The following PTK7 variants were observed in gnomAD, a reference collection of about 807,000 sequenced individuals.
PTK7 encodes the protein protein tyrosine kinase 7 (inactive).
Under a neutral mutation model 116.6 loss-of-function variants are expected in PTK7, and 39 were observed. The observed-to-expected ratio is 0.33, with a 90% CI of 0.26 to 0.44. The LOEUF (loss-of-function observed/expected upper bound fraction) is 0.44, where lower values mean the gene tolerates loss of function less well. PTK7 is among the 20% of genes least tolerant of loss of function. The pLI, the probability that PTK7 is intolerant of heterozygous loss-of-function variation, is 1.00. For synonymous variants in PTK7, 546 were observed against 563.6 expected (o/e 0.97, Z 0.44); for missense variants, 1,169 against 1,425.6 (o/e 0.82, Z 2.90).
At chr6:43,137,542 T>C (rs927051698) in intron 7 of PTK7, among the ~76,000 whole-genome samples, 7 of 152,314 alleles carry the variant, frequency 4.6e-5, no homozygotes, top group African/African-American at 1.7e-4. Context: ...GGATATCCAG[T>C]TGGAAATGCC....
At chr6:43,125,517 C>T (rs1769238415) in intron 1 of PTK7, among the ~76,000 whole-genome samples, 2 of 152,192 alleles carry the variant, frequency 1.3e-5, no homozygotes, top group Admixed American at 1.3e-4. Context: ...CTCAGGGCCC[C>T]TTCCCCTCTA....
chr6:43,130,682 C>T (rs1367317708), intron 5 of PTK7, 21 bp downstream of exon 5: 3 of 1,613,332 alleles, frequency 1.9e-6, no homozygotes, highest in East Asian at 2.2e-5. Context: ...TGGCTGGGAG[C>T]ATTCCAGTAC....
intron 1 of PTK7, among the ~76,000 whole-genome samples, chr6:43,109,568 G>A (rs926089773): frequency 5.3e-5 from 8 of 152,128 alleles, no homozygotes; most frequent in African/African-American, 1.9e-4. Context: ...ATTCCCTCCA[G>A]CAAAGTAGAA....
chr6:43,141,940 C>G lies in PTK7; in HGVS notation c.1778C>G (p.Thr593Ser). The G allele has an allele frequency of 1.9e-6, 3 of 1,606,152 alleles. No individual in the cohort carries two copies. Among genetic ancestry groups the G allele is most frequent in the Admixed American group, 1.7e-5 (1 of 59,548 alleles). ...GTCTCTTTTCTTCCAGTTTTTATCA[C>G]CTTCAAAGTGGAACCAGAGCGTACG... is the stretch of plus-strand genomic sequence containing the variant. The part of the protein sequence containing the change: ...HVQLTVAVFI[T>S]FKVEPERTTV... The change falls in exon 12 of 20, where the codon ACC becomes AGC. Residue 593 changes from threonine to serine, a missense_variant. Coordinates refer to ENST00000230419, the MANE Select transcript of PTK7 (RefSeq NM_002821.5). This position sits in a 1 kb window ranked among gnomAD's most constrained non-coding sequence, Gnocchi z 4.9.
intron 1 of PTK7, among the ~76,000 whole-genome samples, chr6:43,119,235 C>T (rs976827744): frequency 9.2e-5 from 14 of 152,112 alleles, no homozygotes; most frequent in Non-Finnish European, 1.8e-4. Flanking sequence ...ACCAGGTCTG[C>T]AGGCTGTGCT....
intron 17 of PTK7, among the ~76,000 whole-genome samples, chr6:43,152,818 C>T (rs2150472878): frequency 6.6e-6 from 1 of 150,916 alleles, no homozygotes; most frequent in Non-Finnish European, 1.5e-5. Flanking sequence ...CAGAGTCTTA[C>T]CCTGTCGACC....
At chr6:43,122,253 C>T (rs1769006570) in intron 1 of PTK7, among the ~76,000 whole-genome samples, 1 of 152,162 alleles carries the variant, frequency 6.6e-6, no homozygotes, top group African/African-American at 2.4e-5. Flanking sequence ...GTGCACTGGG[C>T]CCTGGGGGAG....
rs1049143676 is a variant in PTK7, at chr6:43,141,798, T to C, written c.1749T>C (p.His583=). The change falls in exon 11 of 20, where the codon CAT becomes CAC. Residue 583 remains histidine (H), a synonymous_variant. Coordinates refer to ENST00000230419, the MANE Select transcript of PTK7 (RefSeq NM_002821.5). This position sits in a 1 kb window ranked among gnomAD's most constrained non-coding sequence, Gnocchi z 4.9. ...GGCCGCAGGGCCAGATTCGTGCCCATGTCCAGCTCACTGTGGCAGGTGCGA... is the reference window on the plus strand; with the variant it reads ...GGCCGCAGGGCCAGATTCGTGCCCACGTCCAGCTCACTGTGGCAGGTGCGA... The part of the protein sequence containing the change: ...SNGPQGQIRA[H]VQLTVAVFIT... 6.2e-7 allele frequency: 1 copy of C among 1,613,922 alleles called. No homozygotes were observed. The highest frequency in any genetic ancestry group is 1.7e-5 in the Admixed American group (1 of 60,014).
intron 17 of PTK7, among the ~76,000 whole-genome samples, chr6:43,154,457 A>T (rs1049423130): frequency 6.6e-6 from 1 of 152,256 alleles, no homozygotes; most frequent in African/African-American, 2.4e-5. Context: ...TACAGTTTGC[A>T]TCACAACCCA....
chr6:43,098,360 CTTT>C (rs200911784), intron 1 of PTK7, among the ~76,000 whole-genome samples: 2 of 143,742 alleles, frequency 1.4e-5, no homozygotes, highest in Admixed American at 7.0e-5. Context: ...AAGAAGCAAA[CTTT>C]TTTTTTTTTT....
chr6:43,108,692 G>A (rs1470101012), intron 1 of PTK7, among the ~76,000 whole-genome samples: 1 of 152,230 alleles, frequency 6.6e-6, no homozygotes, highest in African/African-American at 2.4e-5. Context: ...ATGAGCCACT[G>A]TGCCCAGACT....
chr6:43,090,765 T>A (rs1222026596), intron 1 of PTK7, among the ~76,000 whole-genome samples: 2 of 152,210 alleles, frequency 1.3e-5, no homozygotes, highest in African/African-American at 4.8e-5. Context: ...GAATCCTTCC[T>A]TCTTCTACTC....
chr6:43,143,330 T>C lies in PTK7; in HGVS notation c.2048-87T>C. On this transcript the variant is annotated intron_variant, in intron 13 of 19. Transcript: ENST00000230419. The surrounding 1 kb of genome is among the most constrained non-coding windows in gnomAD (Gnocchi z 4.2). ...TCCCGGGCCATCTGTTAAGTTGCCC[T>C]GTTGATGGGGTTGGGAGGAGTTAGT... 2 of 1,362,654 alleles carry C rather than the reference T, an allele frequency of 1.5e-6. No homozygotes were observed. The highest frequency in any genetic ancestry group is 2.0e-6 in the Non-Finnish European group (2 of 984,156). The allele number at this position is 1,362,654 out of a possible 1,614,324, so 84.4% of individuals were successfully genotyped here.
chr6:43,119,325 T>C (rs1768814574), intron 1 of PTK7, among the ~76,000 whole-genome samples: 1 of 152,082 alleles, frequency 6.6e-6, no homozygotes, highest in African/African-American at 2.4e-5. Context: ...TTATCAGAGT[T>C]TTCTGAGCCT....
In PTK7 at chr6:43,144,501, G is replaced by T. The variant is rs962695428; in HGVS notation, c.2302G>T (p.Ala768Ser). ...QPSAEIQEEVALTSLGSGPAA... is the reference protein window; with the variant it reads ...QPSAEIQEEVSLTSLGSGPAA... Reference sequence around the variant, plus strand: ...CTCAGCAGAGATCCAAGAAGAAGTGGCCTTGACCAGCTTGGGCTCCGGCCC... The same window carrying T: ...CTCAGCAGAGATCCAAGAAGAAGTGTCCTTGACCAGCTTGGGCTCCGGCCC... The change falls in exon 15 of 20, where the codon GCC becomes TCC. Residue 768 changes from alanine to serine, a missense_variant. Coordinates refer to ENST00000230419, the MANE Select transcript of PTK7 (RefSeq NM_002821.5). 6.2e-7 allele frequency: 1 copy of T among 1,614,008 alleles called. No individual in the cohort carries two copies. Among genetic ancestry groups the T allele is most frequent in the Non-Finnish European group, 8.5e-7 (1 of 1,180,024 alleles).
intron 1 of PTK7, among the ~76,000 whole-genome samples, chr6:43,122,720 T>C (rs1487342461): frequency 1.3e-5 from 2 of 151,710 alleles, no homozygotes; most frequent in African/African-American, 4.8e-5. Flanking sequence ...GATTCTCCTG[T>C]CTCGGCCGCC....
intron 1 of PTK7, among the ~76,000 whole-genome samples, chr6:43,109,754 A>G (rs1374515884): frequency 6.7e-6 from 1 of 149,406 alleles, no homozygotes; most frequent in Non-Finnish European, 1.5e-5. Flanking sequence ...GCAGGAGTGC[A>G]GTGGCGTGAT....
chr6:43,081,200 C>T (rs187685200), intron 1 of PTK7, among the ~76,000 whole-genome samples: 80 of 152,288 alleles, frequency 5.3e-4, no homozygotes, highest in African/African-American at 1.8e-3. Flanking sequence ...CCAGCCCCAC[C>T]GCCTCTTCTT....
intron 18 of PTK7, among the ~76,000 whole-genome samples, chr6:43,159,187 T>C (rs1459408690): frequency 1.3e-5 from 2 of 152,210 alleles, no homozygotes; most frequent in Non-Finnish European, 2.9e-5. Flanking sequence ...TCTCTAGCGA[T>C]TAAATAAATA....
Sources: gnomAD v4.1 joint callset for allele counts (sites outside exome capture counted in the v4.1 genomes callset) on GRCh38, gnomAD v4.1.1 for gene constraint, Gnocchi (gnomAD v3.1) non-coding constraint, MANE v1.5 for transcripts, NCBI Gene and HGNC (gene_info 2026-07-23, HGNC 2026-07-21) for gene names.